PDE6B: variants seen among roughly 807,000 people sequenced by gnomAD.
PDE6B encodes rod cGMP-specific 3',5'-cyclic phosphodiesterase subunit beta.
PDE6B carries 106 observed loss-of-function variants against 109.0 expected under a neutral mutation model. The ratio of observed to expected loss-of-function variants is 0.97; its 90% CI spans 0.83 to 1.14. PDE6B has a LOEUF of 1.14. PDE6B is among the 50% of genes most tolerant of loss of function. The pLI is 0.00. For synonymous variants in PDE6B, 490 were observed against 471.3 expected (o/e 1.04, Z -0.51); for missense variants, 1,193 against 1,155.6 (o/e 1.03, Z -0.47).
chr4:653,730 G>A (rs1735820732), intron 3 of PDE6B, 122 bp from the exon 4 acceptor site: 12 of 1,097,866 alleles, frequency 1.1e-5, no homozygotes, highest in Non-Finnish European at 1.6e-5. Flanking sequence ...CTCCACGGCT[G>A]GGCAGGTGGT....
chr4:658,350 G>A (rs1440453009), intron 10 of PDE6B, among the ~76,000 whole-genome samples: 15 of 145,820 alleles, frequency 1.0e-4, no homozygotes, highest in African/African-American at 3.3e-4. Flanking sequence ...GTGTGGTGGG[G>A]GCAGGTCACC....
intron 1 of PDE6B, among the ~76,000 whole-genome samples, chr4:628,165 T>TTCATGAAGTGCAAATCC (rs1032993813): frequency 0.024 from 3,537 of 148,626 alleles, 136 homozygotes; most frequent in African/African-American, 0.084. Context: ...AAAGCAAATC[T>TTCATGAAGTGCAAATCC]TCATGAAGTG....
chr4:667,325 G>A (rs79136028), intron 20 of PDE6B, among the ~76,000 whole-genome samples: 3,280 of 152,234 alleles, frequency 0.022, 66 homozygotes, highest in Non-Finnish European at 0.03. Context: ...ACCCCGGGTC[G>A]TCAGTGCTGG....
At chr4:654,755 G>C (rs1005028623) in intron 5 of PDE6B, 69 bp from the exon 6 acceptor site, 6 of 548,348 alleles carry the variant, frequency 1.1e-5, no homozygotes, top group South Asian at 4.5e-5. Context: ...GCATGTAGCT[G>C]TGTGTGTGTG....
In PDE6B at chr4:663,571, C is replaced by T. The variant is rs753675782; in HGVS notation, c.1921-199C>T. ...CCTCTGAGGCCATCTGCGTCCCAAG[C>T]CGACGATGGAGCCGCTGGTGGAGAG... On this transcript the variant is annotated intron_variant, in intron 15 of 21. Transcript: ENST00000496514. The surrounding 1 kb of genome is among the most constrained non-coding windows in gnomAD (Gnocchi z 4.0). 3.9e-5 allele frequency among the ~76,000 whole-genome samples: 6 copies of T among 152,184 alleles called. No homozygotes were observed. Among genetic ancestry groups the T allele is most frequent in the Non-Finnish European group, 7.4e-5 (5 of 68,020 alleles).
intron 3 of PDE6B, chr4:653,646 G>A (rs1039998738): frequency 6.1e-5 from 40 of 651,742 alleles, no homozygotes; most frequent in East Asian, 4.1e-4. Flanking sequence ...AGGCCTCACC[G>A]CCAGCCAGCT....
At chr4:656,360 T>A in intron 8 of PDE6B, 68 bp downstream of exon 8, 2 of 1,065,326 alleles carry the variant, frequency 1.9e-6, no homozygotes, top group Non-Finnish European at 2.9e-6. Context: ...TCAGCGATGA[T>A]GAAGTGAATT....
At chr4:654,575 T>C (rs1020102465) in intron 5 of PDE6B, 8 of 616,188 alleles carry the variant, frequency 1.3e-5, no homozygotes, top group African/African-American at 7.3e-5. Context: ...CCCGTGAGTA[T>C]TGGGGACGGT....
At chr4:638,542 C>T (rs190001235) in intron 3 of PDE6B, among the ~76,000 whole-genome samples, 1 of 152,050 alleles carries the variant, frequency 6.6e-6, no homozygotes, top group Non-Finnish European at 1.5e-5. Flanking sequence ...AGGCTGGTCT[C>T]GAACTCCTGA....
chr4:663,008 AAAG>A lies in PDE6B; in HGVS notation c.1833-89_1833-87del, dbSNP rs928854495. 1.0e-5 allele frequency: 8 copies of A among 798,298 alleles called. No homozygotes were observed. Among genetic ancestry groups the A allele is most frequent in the African/African-American group, 5.1e-5 (3 of 59,246 alleles). 49.5% of individuals were successfully genotyped at this position (798,298 alleles called of 1,614,324 possible). ...ACAGAGGCAGACCCTGTCTCAAAAA[AAAG>A]AAAGTGGGGCCCATCTGGGGGGGCT... On this transcript the variant is annotated intron_variant, in intron 14 of 21. Coordinates refer to ENST00000496514, the MANE Select transcript of PDE6B (RefSeq NM_000283.4). This position sits in a 1 kb window ranked among gnomAD's most constrained non-coding sequence, Gnocchi z 4.0.
intron 1 of PDE6B, among the ~76,000 whole-genome samples, chr4:627,863 C>T (rs1164011415): frequency 6.6e-6 from 1 of 152,080 alleles, no homozygotes; most frequent in Non-Finnish European, 1.5e-5. Flanking sequence ...TTTGTCCCCA[C>T]CCGGCTGATG....
At chr4:657,296 T>C (rs2109217310) in intron 9 of PDE6B, 55 bp from the exon 10 acceptor site, 1 of 1,605,122 alleles carries the variant, frequency 6.2e-7, no homozygotes, top group East Asian at 2.2e-5. Flanking sequence ...CACAGGCACA[T>C]GGGAGGGGGC....
intron 16 of PDE6B, 76 bp from the exon 17 acceptor site, chr4:664,038 C>A: frequency 8.2e-7 from 1 of 1,215,316 alleles, no homozygotes; most frequent in Non-Finnish European, 1.2e-6. Flanking sequence ...GGCTCCGCGC[C>A]TCCCTGCAGA....
At position 656,006 on chromosome 4, in the gene PDE6B, T is replaced by C; in HGVS notation, c.1059T>C (p.Phe353=). The C allele has an allele frequency of 6.3e-7, 1 of 1,589,300 alleles. No homozygotes were observed. Among genetic ancestry groups the C allele is most frequent in the Non-Finnish European group, 8.6e-7 (1 of 1,157,830 alleles). Residue 353 remains phenylalanine, a splice_region_variant and synonymous_variant, in exon 7 of 22, where the codon TTT becomes TTC. Coordinates refer to ENST00000496514, the MANE Select transcript of PDE6B (RefSeq NM_000283.4). The part of the protein sequence containing the change: ...GLPSYVAESG[F]ICNIMNASAD... Reference sequence around the variant, plus strand: ...CAAGCTACGTGGCAGAAAGCGGCTTTGTGAGTCCCGTGCTGTCTGGAGTCC... The same window carrying C: ...CAAGCTACGTGGCAGAAAGCGGCTTCGTGAGTCCCGTGCTGTCTGGAGTCC...
chr4:626,154 T>A lies in PDE6B; in HGVS notation c.468+60T>A. ...GTGCATCTCTTGCACCTGTCCCAGG[T>A]GTCTAAGGGTCAGCTCGGATCCTCA... is the stretch of plus-strand genomic sequence containing the variant. On this transcript the variant is annotated intron_variant, in intron 1 of 21. Coordinates refer to ENST00000496514, the MANE Select transcript of PDE6B (RefSeq NM_000283.4). This position sits in a 1 kb window ranked among gnomAD's most constrained non-coding sequence, Gnocchi z 4.6. 1 of 1,051,484 alleles carries A rather than the reference T, an allele frequency of 9.5e-7. No individual in the cohort carries two copies. The highest frequency in any genetic ancestry group is 1.4e-6 in the Non-Finnish European group (1 of 698,848). The allele number at this position is 1,051,484 out of a possible 1,614,324, so 65.1% of individuals were successfully genotyped here.
intron 3 of PDE6B, among the ~76,000 whole-genome samples, chr4:643,828 A>G (rs992352161): frequency 1.3e-5 from 2 of 150,080 alleles, no homozygotes; most frequent in African/African-American, 2.5e-5. Flanking sequence ...ATGTGCATTC[A>G]ATACTATAAA....
intron 3 of PDE6B, among the ~76,000 whole-genome samples, chr4:651,078 G>A (rs1157255295): frequency 6.6e-6 from 1 of 151,468 alleles, no homozygotes; most frequent in East Asian, 1.9e-4. Context: ...GTCAACGGCA[G>A]TGGGGCTGTC....
In PDE6B at chr4:662,743, A is replaced by G; in HGVS notation, c.1832+125A>G. 1 of 728,224 alleles carries G rather than the reference A, an allele frequency of 1.4e-6. No individual in the cohort carries two copies. The highest frequency in any genetic ancestry group is 2.5e-6 in the Non-Finnish European group (1 of 406,104). 45.1% of individuals were successfully genotyped at this position (728,224 alleles called of 1,614,324 possible). A position where few individuals can be genotyped will look rare whatever the true frequency, so the allele number is the denominator to read the frequency against. On this transcript the variant is annotated intron_variant, in intron 14 of 21. Transcript: ENST00000496514. This position sits in a 1 kb window ranked among gnomAD's most constrained non-coding sequence, Gnocchi z 4.3. ...CCACGGCCAGGCCCCGTACTCCAGC[A>G]CTGTGGGAGGCCAAGGCGAGGGGAT... is the stretch of plus-strand genomic sequence containing the variant.
At position 666,693 on chromosome 4, in the gene PDE6B, G is replaced by C; in HGVS notation, c.2352+79G>C. ...GCAAGGGGGCGCGGGCTGGAGTCGC[G>C]TGGACTCACACGGGCCCGGCGGTGT... On this transcript the variant is annotated intron_variant, in intron 20 of 21. Transcript: ENST00000496514. The surrounding 1 kb of genome is among the most constrained non-coding windows in gnomAD (Gnocchi z 5.6). 1.1e-6 allele frequency: 1 copy of C among 936,144 alleles called. No homozygotes were observed. The highest frequency in any genetic ancestry group is 2.4e-5 in the East Asian group (1 of 41,220). 58.0% of individuals were successfully genotyped at this position (936,144 alleles called of 1,614,324 possible). A position where few individuals can be genotyped will look rare whatever the true frequency, so the allele number is the denominator to read the frequency against.
Sources: allele counts gnomAD v4.1 joint callset (sites outside exome capture counted in the v4.1 genomes callset), GRCh38; gene constraint gnomAD v4.1.1; non-coding constraint Gnocchi (gnomAD v3.1); transcripts MANE v1.5; gene names NCBI Gene and HGNC (gene_info 2026-07-23, HGNC 2026-07-21).